The following ESRRG variants were observed in gnomAD, a reference collection of about 807,000 sequenced individuals.
The protein encoded by ESRRG is estrogen-related receptor gamma.
ESRRG carries 13 observed loss-of-function variants against 44.0 expected under a neutral mutation model. The observed-to-expected ratio is 0.30, with a 90% CI of 0.19 to 0.47. ESRRG has a LOEUF of 0.47. ESRRG is among the 20% of genes least tolerant of loss of function. ESRRG has a pLI of 1.00. For missense variants in ESRRG, 395 were observed against 580.6 expected (o/e 0.68, Z 3.29); for synonymous variants, 215 against 214.6 (o/e 1.00, Z -0.02).
chr1:216,715,078 G>A lies in ESRRG; in HGVS notation c.56+8166C>T, dbSNP rs1034069524. ...AAGGCGGCCACATGCTCCCACCTGA[G>A]CCCAACTCCTGATGCTGTCTAGACT... On this transcript the variant is annotated intron_variant, in intron 1 of 6. Coordinates refer to ENST00000408911, the MANE Select transcript of ESRRG (RefSeq NM_001438.4). The A allele has an allele frequency of 3.0e-6, 3 of 985,268 alleles. No individual in the cohort carries two copies. In the African/African-American group the frequency reaches 5.2e-5, roughly 17 times the overall value. 61.0% of individuals were successfully genotyped at this position (985,268 alleles called of 1,614,324 possible).
chr1:216,859,346 G>A (rs1257398582), intron 2 of ESRRG, among the ~76,000 whole-genome samples: 1 of 152,152 alleles, frequency 6.6e-6, no homozygotes, highest in African/African-American at 2.4e-5. Flanking sequence ...TCAGGCAGAG[G>A]CCAACAGACT....
At chr1:217,135,547 T>G (rs576708451) in intron 1 of ESRRG, among the ~76,000 whole-genome samples, 4 of 151,098 alleles carry the variant, frequency 2.6e-5, no homozygotes, top group African/African-American at 9.7e-5. Context: ...GCGGCGGCGG[T>G]GTTGGCGGCG....
intron 3 of ESRRG, among the ~76,000 whole-genome samples, chr1:216,607,750 A>G (rs1386608719): frequency 6.6e-6 from 1 of 152,222 alleles, no homozygotes; most frequent in African/African-American, 2.4e-5. Flanking sequence ...TAGAAAGGAA[A>G]CATGTGACTA....
intron 3 of ESRRG, among the ~76,000 whole-genome samples, chr1:216,611,723 C>T (rs1026916338): frequency 8.6e-5 from 13 of 151,714 alleles, no homozygotes; most frequent in Non-Finnish European, 1.9e-4. Flanking sequence ...TCTAATAACT[C>T]ACTGTCATAT....
At chr1:216,757,567 C>G (rs2092526419) in intron 2 of ESRRG, among the ~76,000 whole-genome samples, 1 of 151,922 alleles carries the variant, frequency 6.6e-6, no homozygotes, top group African/African-American at 2.4e-5. Flanking sequence ...TGAGATTTTA[C>G]CCACATCCAC....
chr1:216,638,187 A>G (rs201719261), intron 3 of ESRRG, among the ~76,000 whole-genome samples: 1 of 152,172 alleles, frequency 6.6e-6, no homozygotes, highest in East Asian at 1.9e-4. Context: ...TATTTTCCTA[A>G]TGCTGTCATT....
At chr1:216,765,762 T>G (rs1167340719) in intron 2 of ESRRG, among the ~76,000 whole-genome samples, 2 of 152,102 alleles carry the variant, frequency 1.3e-5, no homozygotes, top group African/African-American at 2.4e-5. Flanking sequence ...GTTGCTTTTT[T>G]TCCTACTGGC....
chr1:216,898,508 C>G (rs987210989), intron 2 of ESRRG, among the ~76,000 whole-genome samples: 2 of 152,084 alleles, frequency 1.3e-5, no homozygotes, highest in African/African-American at 4.8e-5. Context: ...ATCCCAGCTA[C>G]TCAGGAGGCT....
At chr1:217,048,778 C>G (rs1483574688) in intron 1 of ESRRG, among the ~76,000 whole-genome samples, 2 of 152,172 alleles carry the variant, frequency 1.3e-5, no homozygotes, top group East Asian at 3.9e-4. Flanking sequence ...ATGAAGACTT[C>G]AACATTTTCT....
intron 1 of ESRRG, among the ~76,000 whole-genome samples, chr1:217,126,827 C>A (rs1431811052): frequency 1.3e-5 from 2 of 152,096 alleles, no homozygotes; most frequent in Non-Finnish European, 2.9e-5. Context: ...TTCTGGAGCC[C>A]ACAGTACTCA....
chr1:216,656,273 T>G (rs546023466), intron 2 of ESRRG, among the ~76,000 whole-genome samples: 9 of 152,286 alleles, frequency 5.9e-5, no homozygotes, highest in African/African-American at 2.2e-4. Context: ...GGGCAGCTAC[T>G]GATGACACAA....
At chr1:216,792,621 T>C (rs1261814397) in intron 2 of ESRRG, among the ~76,000 whole-genome samples, 1 of 152,234 alleles carries the variant, frequency 6.6e-6, no homozygotes, top group Non-Finnish European at 1.5e-5. Context: ...TAAATGCTAT[T>C]TAATAGACTA....
chr1:216,702,214 C>A (rs538150096), intron 1 of ESRRG, among the ~76,000 whole-genome samples: 1 of 152,202 alleles, frequency 6.6e-6, no homozygotes, highest in Non-Finnish European at 1.5e-5. Flanking sequence ...CTTTAAATAA[C>A]ACCTTTGATG....
chr1:216,508,325 T>C (rs1035405864), intron 6 of ESRRG, among the ~76,000 whole-genome samples: 1 of 152,224 alleles, frequency 6.6e-6, no homozygotes, highest in Non-Finnish European at 1.5e-5. Context: ...TTCACTTACA[T>C]TGTCATTTTG....
chr1:216,507,457 T>A (rs1225742678), intron 6 of ESRRG, among the ~76,000 whole-genome samples: 1 of 152,182 alleles, frequency 6.6e-6, no homozygotes, highest in Non-Finnish European at 1.5e-5. Flanking sequence ...AGAGAAGGCT[T>A]TCTTTTAACA....
intron 3 of ESRRG, among the ~76,000 whole-genome samples, 183 bp downstream of exon 3, chr1:216,650,790 C>T (rs912950053): frequency 6.6e-6 from 1 of 152,098 alleles, no homozygotes; most frequent in Non-Finnish European, 1.5e-5. Context: ...CCCTTCCTGT[C>T]AATGTGAAGT....
intron 2 of ESRRG, among the ~76,000 whole-genome samples, chr1:216,799,412 G>A (rs530542774): frequency 9.2e-5 from 14 of 151,978 alleles, no homozygotes; most frequent in Admixed American, 7.9e-4. Context: ...CAATTTAAAT[G>A]ATGATTTTGA....
At chr1:217,069,101 G>A (rs2151431566) in intron 1 of ESRRG, among the ~76,000 whole-genome samples, 1 of 152,294 alleles carries the variant, frequency 6.6e-6, no homozygotes, top group South Asian at 2.1e-4. Context: ...AGTGGACTGG[G>A]AAAGGCTGAC....
intron 2 of ESRRG, among the ~76,000 whole-genome samples, chr1:216,762,282 A>G (rs2092821756): frequency 6.6e-6 from 1 of 152,046 alleles, no homozygotes; most frequent in South Asian, 2.1e-4. Context: ...ATTATTCACA[A>G]TAGCAAAGAC....
Sources: gnomAD v4.1 joint callset for allele counts (sites outside exome capture counted in the v4.1 genomes callset) on GRCh38, gnomAD v4.1.1 for gene constraint, MANE v1.5 for transcripts, NCBI Gene and HGNC (gene_info 2026-07-23, HGNC 2026-07-21) for gene names.